Variants in DOCK7 observed in about 807,000 individuals in gnomAD.
DOCK7 encodes dedicator of cytokinesis protein 7.
In DOCK7, 138 loss-of-function variants were observed where a neutral mutation model predicts 271.0. The ratio of observed to expected loss-of-function variants is 0.51; its 90% CI spans 0.44 to 0.59. The LOEUF (loss-of-function observed/expected upper bound fraction) is 0.59. Among genes scored for constraint, DOCK7 ranks in the 20% least tolerant of loss-of-function variants. The pLI is 0.00. For missense variants in DOCK7, 2,066 were observed against 2,592.4 expected, an observed-to-expected ratio of 0.80 and a Z score of 4.41; for synonymous variants, 823 against 876.1, an observed-to-expected ratio of 0.94 and a Z score of 1.07.
intron 18 of DOCK7, 93 bp from the exon 19 acceptor site, chr1:62,561,796 A>G (rs2149444499): frequency 1.6e-6 from 1 of 640,828 alleles, no homozygotes; most frequent in Non-Finnish European, 2.5e-6. Flanking sequence ...TGAGAAAAAT[A>G]TTGTGAAAAT....
chr1:62,541,068 C>T (rs1381460032), intron 25 of DOCK7, among the ~76,000 whole-genome samples: 2 of 152,230 alleles, frequency 1.3e-5, no homozygotes, highest in South Asian at 2.1e-4. Context: ...AGATCCTTTT[C>T]TCTTTTTTGT....
intron 31 of DOCK7, among the ~76,000 whole-genome samples, chr1:62,524,956 T>TA (rs1447497563): frequency 8.3e-4 from 113 of 136,534 alleles, no homozygotes; most frequent in Middle Eastern, 3.6e-3. Context: ...TATATATATA[T>TA]TACTATAAAC....
intron 9 of DOCK7, 100 bp downstream of exon 9, chr1:62,634,673 T>C (rs1655036418): frequency 8.0e-7 from 1 of 1,247,030 alleles, no homozygotes; most frequent in South Asian, 1.5e-5. Flanking sequence ...ATGAAAAAAA[T>C]ATGTAAAGGT....
At chr1:62,658,952 TC>T (rs1658346301) in intron 2 of DOCK7, among the ~76,000 whole-genome samples, 1 of 142,860 alleles carries the variant, frequency 7.0e-6, no homozygotes. Context: ...GACCCCTGTC[TC>T]AAAAGAGAAA....
In DOCK7 at chr1:62,636,596, T is replaced by C; in HGVS notation, c.826A>G (p.Ile276Val). The C allele has an allele frequency of 6.3e-7, 1 of 1,596,968 alleles. No individual in the cohort carries two copies. Reference sequence around the variant, plus strand: ...CTTGCAAAAATGGGTTCAATTTCAATTTCAAACCTTTATGAAGAAAAAGGA... The same window carrying C: ...CTTGCAAAAATGGGTTCAATTTCAACTTCAAACCTTTATGAAGAAAAAGGA... ...LVKCLSLKFE[I>V]EIEPIFASLA... The change falls in exon 8 of 50, where the codon ATT (isoleucine) becomes GTT (valine). Residue 276 changes from isoleucine (I) to valine (V), a missense_variant. By Grantham distance (29) the Ile-to-Val change is conservative. Transcript: ENST00000635253.
In DOCK7 at chr1:62,543,735, C is replaced by T. The variant is rs146585621; in HGVS notation, c.2870G>A (p.Arg957Gln). ...PSAESTQAMD[R>Q]SCNRMSSHTE... is the part of the protein sequence containing the mutation. ...GTGCGAAGACATACGATTACAACTT[C>T]GATCCATAGCCTATGGAGTGAAGAT... is the stretch of plus-strand genomic sequence containing the variant. The change falls in exon 24 of 50, where the codon CGA (arginine) becomes CAA (glutamine). Residue 957 changes from arginine (R) to glutamine (Q), a missense_variant. Arg to Gln is a conservative substitution (Grantham distance 43). This residue lies in a region of DOCK7 where 1,414 missense variants were observed against 1,670.4 expected (regional missense o/e 0.85). Transcript: ENST00000635253. 21 of 1,593,050 alleles carry T rather than the reference C, an allele frequency of 1.3e-5. No individual in the cohort carries two copies. Among genetic ancestry groups the T allele is most frequent in the South Asian group, 2.3e-5 (2 of 88,312 alleles).
intron 12 of DOCK7, among the ~76,000 whole-genome samples, chr1:62,624,071 T>C (rs1653618914): frequency 6.6e-6 from 1 of 152,188 alleles, no homozygotes; most frequent in Non-Finnish European, 1.5e-5. Context: ...TACTCCAGTT[T>C]GTTACGCTAA....
At position 62,603,993 on chromosome 1, in the gene DOCK7, A is replaced by G. The variant is rs372222044; in HGVS notation, c.1682+14713T>C. ...GGAGAATTTTGGTTGGGCCTAGAGAAGATATACTCCATAGTGAAGCAATCT... is the reference window on the plus strand; with the variant it reads ...GGAGAATTTTGGTTGGGCCTAGAGAGGATATACTCCATAGTGAAGCAATCT... On this transcript the variant is annotated intron_variant, in intron 14 of 49. Transcript: ENST00000635253. 1.5e-4 allele frequency: 241 copies of G among 1,613,066 alleles called. 4 individuals carry two copies. The highest frequency in any genetic ancestry group is 1.2e-3 in the East Asian group (52 of 44,838).
At position 62,513,597 on chromosome 1, in the gene DOCK7, C is replaced by CT; in HGVS notation, c.4128dup (p.Val1377SerfsTer3). Reference sequence around the variant, plus strand: ...GTCAAGCTATTCATTCGTTCAAACACTTTTTTCCCCTAAAATGTAAACATT... The same window carrying CT: ...GTCAAGCTATTCATTCGTTCAAACACTTTTTTTCCCCTAAAATGTAAACATT... On this transcript the variant is annotated frameshift_variant, in exon 33 of 50. Coordinates refer to ENST00000635253, the MANE Select transcript of DOCK7 (RefSeq NM_001367561.1). LOFTEE classifies it high-confidence loss of function. 4 of 1,611,440 alleles carry CT rather than the reference C, an allele frequency of 2.5e-6. No homozygotes were observed. Among genetic ancestry groups the CT allele is most frequent in the Non-Finnish European group, 2.5e-6 (3 of 1,179,412 alleles).
At chr1:62,667,736 G>C (rs1443191548) in intron 1 of DOCK7, among the ~76,000 whole-genome samples, 4 of 151,942 alleles carry the variant, frequency 2.6e-5, no homozygotes, top group Non-Finnish European at 4.4e-5. Flanking sequence ...TAAATAAATA[G>C]GCCGGGCGCA....
intron 14 of DOCK7, among the ~76,000 whole-genome samples, chr1:62,590,545 C>T (rs774506537): frequency 6.6e-6 from 1 of 152,110 alleles, no homozygotes; most frequent in Non-Finnish European, 1.5e-5. Context: ...AAGTCCTTAG[C>T]TTCATAGAAC....
chr1:62,641,161 C>A, intron 7 of DOCK7: 1 of 338,930 alleles, frequency 3.0e-6, no homozygotes, highest in South Asian at 2.5e-5. Flanking sequence ...ATGTATTTGT[C>A]AGTTTTCTTC....
Position 62,476,171 on chromosome 1 carries a change from AAG to A in DOCK7, c.5635-17_5635-16del. The A allele has an allele frequency of 6.2e-7, 1 of 1,603,238 alleles. No homozygotes were observed. The highest frequency in any genetic ancestry group is 8.5e-7 in the Non-Finnish European group (1 of 1,175,336). On this transcript the variant is annotated splice_polypyrimidine_tract_variant and intron_variant, in intron 44 of 49. Coordinates refer to ENST00000635253, the MANE Select transcript of DOCK7 (RefSeq NM_001367561.1). ...CCGTAAAATCCCTACAATAAAGAAA[AAG>A]AAACATTTTATATGAAGTTAAAAAG...
At chr1:62,578,717 CAAAAAAAAAAAAA>C in intron 17 of DOCK7, 98 bp downstream of exon 17, 1 of 302,788 alleles carries the variant, frequency 3.3e-6, no homozygotes, top group East Asian at 1.5e-4. Flanking sequence ...GACTCTGTCT[CAAAAAAAAAAAAA>C]AAAAAAAAAC....
intron 31 of DOCK7, among the ~76,000 whole-genome samples, chr1:62,519,156 G>T (rs1460215855): frequency 6.6e-6 from 1 of 151,694 alleles, no homozygotes; most frequent in Non-Finnish European, 1.5e-5. Flanking sequence ...GGCCTCAAAA[G>T]AAACAAAAAT....
At chr1:62,477,859 T>C (rs1425914240) in intron 43 of DOCK7, 34 bp from the exon 44 acceptor site, 1 of 1,547,136 alleles carries the variant, frequency 6.5e-7, no homozygotes, top group Non-Finnish European at 8.7e-7. Context: ...ATGGAGAAAC[T>C]TTAATATGAA....
intron 14 of DOCK7, chr1:62,609,578 T>G (rs1244898586): frequency 6.6e-6 from 1 of 152,226 alleles, no homozygotes; most frequent in African/African-American, 2.4e-5. Flanking sequence ...ATATACTTTT[T>G]AAAAACAGGT....
chr1:62,552,750 T>C lies in DOCK7; in HGVS notation c.2748A>G (p.Arg916=). The C allele has an allele frequency of 6.2e-7, 1 of 1,612,054 alleles. No individual in the cohort carries two copies. Among genetic ancestry groups the C allele is most frequent in the South Asian group, 1.1e-5 (1 of 90,648 alleles). ...AGTTTACCTTACTCCCGATGATTGA[T>C]CGAACTTCATCATCTGGTGACGTGG... ...GTPTSPDDEV[R]SIIGSKGLDR... Residue 916 remains arginine (R), a synonymous_variant, in exon 22 of 50, where the codon CGA becomes CGG. Transcript: ENST00000635253.
chr1:62,596,459 AT>A (rs565874988), intron 14 of DOCK7, among the ~76,000 whole-genome samples: 42 of 152,284 alleles, frequency 2.8e-4, no homozygotes, highest in African/African-American at 9.4e-4. Flanking sequence ...AGCATTTAGT[AT>A]TTTTTTAACA....
Sources: gnomAD v4.1 joint callset for allele counts (sites outside exome capture counted in the v4.1 genomes callset) on GRCh38, gnomAD v4.1.1 for gene constraint, gnomAD v4.1.1 regional missense constraint, MANE v1.5 for transcripts, NCBI Gene and HGNC (gene_info 2026-07-23, HGNC 2026-07-21) for gene names.